HMCN2: variants seen among roughly 807,000 people sequenced by gnomAD.
HMCN2 encodes hemicentin-2.
HMCN2 carries 325 observed loss-of-function variants against 377.5 expected under a neutral mutation model. The observed-to-expected ratio is 0.86, with a 90% CI of 0.79 to 0.94. The LOEUF is 0.94. Ranked by LOEUF, HMCN2 falls within the 40% of genes least tolerant of loss-of-function variation. The pLI is 0.00. For synonymous variants in HMCN2, 2,007 were observed against 2,046.8 expected, an observed-to-expected ratio of 0.98 and a Z score of 0.53; for missense variants, 4,543 against 4,725.3, an observed-to-expected ratio of 0.96 and a Z score of 1.13.
rs1009615801 is a variant in HMCN2, at chr9:130,425,878, A to T, written c.13833A>T (p.Pro4611=). 24 of 1,550,016 alleles carry T rather than the reference A, an allele frequency of 1.5e-5. No homozygotes were observed. In the African/African-American group the frequency reaches 2.9e-4, roughly 19 times the overall value. ...RASAISSAFD[P]EAEALRFQLA... is the part of the protein sequence containing the mutation. The stretch of plus-strand genomic sequence containing the variant: ...CAGCTATCAGCTCGGCCTTTGATCC[A>T]GAGGCCGAGGCCCTGCGCTTCCAGC... Residue 4611 remains proline (P), a synonymous_variant, in exon 90 of 98, where the codon CCA becomes CCT. Coordinates refer to ENST00000683500, the MANE Select transcript of HMCN2 (RefSeq NM_001291815.2).
rs1203795944 is a variant in HMCN2, at chr9:130,406,236, G to A, written c.12553+68G>A. ...CCGGGAGGTTAAGAAGGGAGGGCAG[G>A]TGGGGAGACCCAACCTAGTGGAAAG... On this transcript the variant is annotated intron_variant, in intron 82 of 97. Coordinates refer to ENST00000683500, the MANE Select transcript of HMCN2 (RefSeq NM_001291815.2). 5 of 1,242,000 alleles carry A rather than the reference G, an allele frequency of 4.0e-6. No individual in the cohort carries two copies. In the African/African-American group the frequency reaches 4.6e-5, roughly 11 times the overall value. The allele number at this position is 1,242,000 out of a possible 1,614,324, so 76.9% of individuals were successfully genotyped here. A position where few individuals can be genotyped will look rare whatever the true frequency, so the allele number is the denominator to read the frequency against.
At chr9:130,424,626 T>C in intron 87 of HMCN2, 150 bp from the exon 88 acceptor site, 1 of 677,956 alleles carries the variant, frequency 1.5e-6, no homozygotes, top group Non-Finnish European at 2.1e-6. Context: ...GTTAAATAAT[T>C]GGCATGGCAG....
intron 70 of HMCN2, 44 bp from the exon 71 acceptor site, chr9:130,395,167 G>T (rs1417184819): frequency 2.3e-6 from 3 of 1,283,758 alleles, no homozygotes; most frequent in Non-Finnish European, 2.0e-6. Flanking sequence ...TCGCGGCAGG[G>T]GTGAGTCCCC....
At chr9:130,286,045 A>T in intron 3 of HMCN2, 143 bp from the exon 4 acceptor site, 1 of 370,424 alleles carries the variant, frequency 2.7e-6, no homozygotes, top group South Asian at 2.0e-5. Flanking sequence ...CCTTCTATTC[A>T]TGTGTCATAT....
chr9:130,384,835 A>G (rs548948603), intron 59 of HMCN2, 37 bp downstream of exon 59: 4 of 1,224,182 alleles, frequency 3.3e-6, no homozygotes, highest in East Asian at 1.1e-4. Flanking sequence ...TACTGTCCCC[A>G]CTCCTTCAGT....
intron 66 of HMCN2, 92 bp downstream of exon 66, chr9:130,392,210 G>A (rs1842354673): frequency 2.2e-6 from 2 of 901,264 alleles, no homozygotes; most frequent in Non-Finnish European, 2.7e-6. Context: ...AGCCAGGACT[G>A]GCTGCAACAC....
intron 66 of HMCN2, among the ~76,000 whole-genome samples, chr9:130,392,338 G>A (rs1842362497): frequency 6.6e-6 from 1 of 152,188 alleles, no homozygotes; most frequent in Non-Finnish European, 1.5e-5. Flanking sequence ...GAGAAGTCAG[G>A]TTTCAGGGAA....
chr9:130,337,302 C>G (rs1019038692), intron 22 of HMCN2, among the ~76,000 whole-genome samples: 1,061 of 152,168 alleles, frequency 7.0e-3, no homozygotes, highest in Non-Finnish European at 9.6e-3. Flanking sequence ...ACAGCTTCCT[C>G]CTGAGGACCC....
rs1272767417 is a variant in HMCN2 at position 130,428,393 on chromosome 9, C to T, written c.14101C>T (p.Arg4701Ter). Residue 4701 changes from arginine to a stop codon, truncating the protein, a stop_gained, in exon 93 of 98, where the codon CGA (arginine) becomes TGA (stop). Transcript: ENST00000683500. LOFTEE classifies it high-confidence loss of function. This position sits in a 1 kb window ranked among gnomAD's most constrained non-coding sequence, Gnocchi z 5.0. ...DECAWDAHLC[R>*]EGQRCVNLLG... ...GTGTGCGTGGGATGCTCACCTCTGCCGAGAGGGACAGCGCTGTGTGAACCT... is the reference window on the plus strand; with the variant it reads ...GTGTGCGTGGGATGCTCACCTCTGCTGAGAGGGACAGCGCTGTGTGAACCT... 12 of 1,547,968 alleles carry T rather than the reference C, an allele frequency of 7.8e-6. No homozygotes were observed. The Admixed American group carries it at 7.8e-5, about 10-fold the overall frequency.
At chr9:130,266,536 T>A (rs782769827) in intron 1 of HMCN2, among the ~76,000 whole-genome samples, 5 of 152,240 alleles carry the variant, frequency 3.3e-5, no homozygotes, top group Non-Finnish European at 7.3e-5. Flanking sequence ...TTGCAGGGCT[T>A]TTCCTTTGGC....
rs997734406 is a variant in HMCN2 at position 130,400,821 on chromosome 9, G to A, written c.11644G>A (p.Val3882Met). The change falls in exon 77 of 98, where the codon GTG becomes ATG. Residue 3882 changes from valine (V) to methionine (M), a missense_variant. Around this residue, in one of 5 missense-constraint regions of HMCN2, gnomAD observed 1,073 missense variants for 1,319.5 expected, o/e 0.81. Coordinates refer to ENST00000683500, the MANE Select transcript of HMCN2 (RefSeq NM_001291815.2). Reference protein sequence around the residue: ...TIADDQTDFTVTMMAPVVLTC... With the variant: ...TIADDQTDFTMTMMAPVVLTC... ...TGCCGATGACCAGACAGACTTCACC[G>A]TGACCATGATGGCACCTGTGGTCCT... is the stretch of plus-strand genomic sequence containing the variant. 1.7e-5 allele frequency: 22 copies of A among 1,289,006 alleles called. No homozygotes were observed. Among genetic ancestry groups the A allele is most frequent in the Middle Eastern group, 2.1e-4 (1 of 4,710 alleles). 79.8% of individuals were successfully genotyped at this position (1,289,006 alleles called of 1,614,324 possible).
At chr9:130,386,545 G>A in intron 61 of HMCN2, 21 bp downstream of exon 61, 2 of 1,297,918 alleles carry the variant, frequency 1.5e-6, no homozygotes, top group Non-Finnish European at 2.0e-6. Context: ...GACCAGCCTA[G>A]CCAACGTGAC....
intron 62 of HMCN2, 134 bp downstream of exon 62, chr9:130,388,674 C>T: frequency 2.4e-5 from 4 of 165,160 alleles, no homozygotes; most frequent in Non-Finnish European, 2.9e-5. Flanking sequence ...GCCGTGTTGC[C>T]CCCCCCCCCA....
rs33954002 is a variant in HMCN2, at chr9:130,424,345, A to ATT, written c.13382-418_13382-417dup. Among the ~76,000 whole-genome samples, 202 of 142,198 alleles carry ATT rather than the reference A, an allele frequency of 1.4e-3. 1 individual carries two copies. The highest frequency in any genetic ancestry group is 1.9e-3 in the Non-Finnish European group (124 of 65,082). The allele number at this position is 142,198 out of a possible 152,430, so 93.3% of individuals were successfully genotyped here. A position where few individuals can be genotyped will look rare whatever the true frequency, so the allele number is the denominator to read the frequency against. ...AGACGCCTGCCACGGCGCCCGGCTA[A>ATT]TTTTTTTTTTTTTTGTATTTTTAGT... On this transcript the variant is annotated intron_variant, in intron 87 of 97. Coordinates refer to ENST00000683500, the MANE Select transcript of HMCN2 (RefSeq NM_001291815.2).
chr9:130,343,556 G>A (rs976590805), intron 25 of HMCN2, among the ~76,000 whole-genome samples: 6 of 143,964 alleles, frequency 4.2e-5, no homozygotes, highest in Admixed American at 6.9e-5. Context: ...CCAGGTCCCC[G>A]GCCCTTGACT....
intron 77 of HMCN2, among the ~76,000 whole-genome samples, 152 bp from the exon 78 acceptor site, chr9:130,402,637 T>G (rs1842908007): frequency 6.6e-6 from 1 of 152,172 alleles, no homozygotes; most frequent in Non-Finnish European, 1.5e-5. Flanking sequence ...AGATGTCAGG[T>G]TCCCATACAG....
In HMCN2 at chr9:130,397,675, C is replaced by T. The variant is rs1421171147; in HGVS notation, c.11326+20C>T. 7.8e-7 allele frequency: 1 copy of T among 1,289,454 alleles called. No homozygotes were observed. Among genetic ancestry groups the T allele is most frequent in the Admixed American group, 2.3e-5 (1 of 43,540 alleles). The allele number at this position is 1,289,454 out of a possible 1,614,324, so 79.9% of individuals were successfully genotyped here. On this transcript the variant is annotated intron_variant, in intron 74 of 97. Coordinates refer to ENST00000683500, the MANE Select transcript of HMCN2 (RefSeq NM_001291815.2). ...TCTTGGGTAGGTGGCCTGGGGAAGG[C>T]CTTCAGTGTCCAGTCCCTGTCGGGG...
chr9:130,282,076 C>T (rs552656685), intron 1 of HMCN2, among the ~76,000 whole-genome samples: 9 of 152,274 alleles, frequency 5.9e-5, no homozygotes, highest in African/African-American at 1.9e-4. Context: ...AATGAAATAA[C>T]CAGCACTGAG....
At position 130,400,794 on chromosome 9, in the gene HMCN2, A is replaced by G; in HGVS notation, c.11617A>G (p.Ile3873Val). ...GTCTTGGGTTTTAGTGCCTCCCACC[A>G]TTGCCGATGACCAGACAGACTTCAC... ...YQVTVHVPPT[I>V]ADDQTDFTVT... Residue 3873 changes from isoleucine to valine, a missense_variant, in exon 77 of 98, where the codon ATT becomes GTT. By Grantham distance (29) the Ile-to-Val change is conservative. Transcript: ENST00000683500. 1 of 1,286,488 alleles carries G rather than the reference A, an allele frequency of 7.8e-7. No individual in the cohort carries two copies. The highest frequency in any genetic ancestry group is 2.1e-4 in the Middle Eastern group (1 of 4,676). The allele number at this position is 1,286,488 out of a possible 1,614,324, so 79.7% of individuals were successfully genotyped here. A position where few individuals can be genotyped will look rare whatever the true frequency, so the allele number is the denominator to read the frequency against.
Sources: allele counts gnomAD v4.1 joint callset (sites outside exome capture counted in the v4.1 genomes callset), GRCh38; gene constraint gnomAD v4.1.1; regional missense constraint gnomAD v4.1.1; non-coding constraint Gnocchi (gnomAD v3.1); transcripts MANE v1.5; gene names NCBI Gene and HGNC (gene_info 2026-07-23, HGNC 2026-07-21).